Variants in FAM78B observed in about 807,000 individuals in gnomAD.
FAM78B encodes the protein family with sequence similarity 78 member B.
Under a neutral mutation model 20.0 loss-of-function variants are expected in FAM78B, and 10 were observed. That is an observed-to-expected ratio of 0.50 (90% CI 0.31 to 0.85). The LOEUF is 0.85. Among genes scored for constraint, FAM78B ranks in the 40% least tolerant of loss-of-function variants. FAM78B has a pLI of 0.05. For synonymous variants in FAM78B, 135 were observed against 132.8 expected (o/e 1.02, Z -0.12); for missense variants, 283 against 345.0 (o/e 0.82, Z 1.42).
At chr1:166,133,601 TAAAAAA>T (rs5778486) in intron 1 of FAM78B, among the ~76,000 whole-genome samples, 2 of 148,602 alleles carry the variant, frequency 1.3e-5, no homozygotes, top group African/African-American at 4.9e-5. Context: ...TGAGCAATCT[TAAAAAA>T]AAAAAAGAAC....
At chr1:166,165,098 CA>C (rs1656311478) in intron 1 of FAM78B, 1 of 152,214 alleles carries the variant, frequency 6.6e-6, no homozygotes, top group Non-Finnish European at 1.5e-5. Flanking sequence ...CCGCAGCAGC[CA>C]AGCCCGGCGC....
chr1:166,164,317 G>C (rs965178781), intron 1 of FAM78B, among the ~76,000 whole-genome samples: 1 of 152,198 alleles, frequency 6.6e-6, no homozygotes, highest in Admixed American at 6.5e-5. Flanking sequence ...TGAGAGGAAG[G>C]GCTCTTGCCC....
At chr1:166,114,469 A>C (rs1311463397) in intron 1 of FAM78B, among the ~76,000 whole-genome samples, 1 of 152,228 alleles carries the variant, frequency 6.6e-6, no homozygotes, top group Non-Finnish European at 1.5e-5. Context: ...TGAATACTGA[A>C]TACTACACTT....
chr1:166,109,917 TATAA>T, intron 1 of FAM78B, among the ~76,000 whole-genome samples: 1 of 109,818 alleles, frequency 9.1e-6, no homozygotes, highest in Non-Finnish European at 1.9e-5. Flanking sequence ...TATATATATA[TATAA>T]TGGAATACTA....
At chr1:166,086,158 T>C (rs1652820914) in intron 1 of FAM78B, among the ~76,000 whole-genome samples, 1 of 151,064 alleles carries the variant, frequency 6.6e-6, no homozygotes, top group Non-Finnish European at 1.5e-5. Flanking sequence ...GTGGCAGAGA[T>C]GGGACAAACT....
intron 1 of FAM78B, among the ~76,000 whole-genome samples, chr1:166,164,000 G>C (rs988300383): frequency 2.0e-5 from 3 of 152,198 alleles, no homozygotes; most frequent in African/African-American, 7.2e-5. Context: ...CATTAAAGTT[G>C]GTTCCAGTGA....
chr1:166,081,409 G>T (rs1652568617), intron 1 of FAM78B, among the ~76,000 whole-genome samples: 1 of 152,296 alleles, frequency 6.6e-6, no homozygotes, highest in Admixed American at 6.5e-5. Flanking sequence ...GAGGTCTGGG[G>T]TCGTTGGCCA....
intron 1 of FAM78B, among the ~76,000 whole-genome samples, chr1:166,089,389 G>C (rs1293813061): frequency 2.6e-5 from 4 of 152,194 alleles, no homozygotes; most frequent in Non-Finnish European, 5.9e-5. Flanking sequence ...TATGAAGAGT[G>C]AATGTCTACA....
At chr1:166,109,904 A>ATATATG (rs1653979782) in intron 1 of FAM78B, among the ~76,000 whole-genome samples, 1 of 81,262 alleles carries the variant, frequency 1.2e-5, no homozygotes, top group African/African-American at 3.8e-5. Flanking sequence ...ATATATATAT[A>ATATATG]TATATATATA....
chr1:166,145,940 T>G (rs1199498964), intron 1 of FAM78B, among the ~76,000 whole-genome samples: 1 of 152,230 alleles, frequency 6.6e-6, no homozygotes, highest in Non-Finnish European at 1.5e-5. Flanking sequence ...TTCTCTTTTT[T>G]TTATTGTGTC....
At chr1:166,115,255 GGCT>G (rs777265304) in intron 1 of FAM78B, among the ~76,000 whole-genome samples, 5 of 152,208 alleles carry the variant, frequency 3.3e-5, no homozygotes, top group Non-Finnish European at 7.3e-5. Flanking sequence ...TGAGAGATGG[GGCT>G]GCTTTTTAAG....
At chr1:166,143,913 G>C (rs908486703) in intron 1 of FAM78B, among the ~76,000 whole-genome samples, 5 of 152,194 alleles carry the variant, frequency 3.3e-5, no homozygotes, top group African/African-American at 1.2e-4. Context: ...TGTGAGGGTT[G>C]GGGGCAGGAT....
chr1:166,068,207 G>A (rs781385656), downstream of FAM78B, among the ~76,000 whole-genome samples: 4 of 152,140 alleles, frequency 2.6e-5, no homozygotes, highest in East Asian at 1.9e-4. Flanking sequence ...AATTCAGTCT[G>A]GGGGAGAGAG....
intron 1 of FAM78B, among the ~76,000 whole-genome samples, chr1:166,078,824 G>A (rs922706371): frequency 6.6e-6 from 1 of 152,144 alleles, no homozygotes; most frequent in Non-Finnish European, 1.5e-5. Flanking sequence ...ACACATGGAG[G>A]ACTGACGGTT....
At chr1:166,082,763 G>C (rs1460993197) in intron 1 of FAM78B, 1 of 152,618 alleles carries the variant, frequency 6.6e-6, no homozygotes, top group Non-Finnish European at 1.5e-5. Flanking sequence ...GTTCAAGGGA[G>C]CTGCAGAGGG....
intron 1 of FAM78B, among the ~76,000 whole-genome samples, chr1:166,161,655 C>T (rs898037293): frequency 2.0e-5 from 3 of 152,016 alleles, no homozygotes; most frequent in Non-Finnish European, 4.4e-5. Flanking sequence ...GGATTACACA[C>T]ATATTCTGGA....
chr1:166,063,245 A>G (rs1165214058), intron 2 of FAM78B, among the ~76,000 whole-genome samples: 3 of 152,206 alleles, frequency 2.0e-5, no homozygotes, highest in African/African-American at 7.2e-5. Context: ...CACATAGAAG[A>G]CACTCACTAC....
At chr1:166,060,690 A>G in intron 2 of FAM78B, 1 of 1,267,452 alleles carries the variant, frequency 7.9e-7, no homozygotes, top group Non-Finnish European at 1.0e-6. Context: ...AAACATGTAA[A>G]TAAAGCGGGC....
intron 1 of FAM78B, among the ~76,000 whole-genome samples, chr1:166,161,609 C>A (rs1328760779): frequency 6.6e-6 from 1 of 152,094 alleles, no homozygotes; most frequent in Non-Finnish European, 1.5e-5. Flanking sequence ...GTGACATGTC[C>A]TGAGATGGTA....
Sources: allele counts gnomAD v4.1 joint callset (sites outside exome capture counted in the v4.1 genomes callset), GRCh38; gene constraint gnomAD v4.1.1; transcripts MANE v1.5; gene names NCBI Gene and HGNC (gene_info 2026-07-23, HGNC 2026-07-21).